The following ZNF236 variants were observed in gnomAD, a reference collection of about 807,000 sequenced individuals.
The protein encoded by ZNF236 is zinc finger protein 236.
Under a neutral mutation model 191.2 loss-of-function variants are expected in ZNF236, and 50 were observed. That is an observed-to-expected ratio of 0.26 (90% CI 0.21 to 0.33). ZNF236 has a LOEUF of 0.33. ZNF236 is among the 10% of genes least tolerant of loss of function. The pLI is 1.00. For synonymous variants in ZNF236, 907 were observed against 928.8 expected (o/e 0.98, Z 0.43); for missense variants, 1,754 against 2,374.5 (o/e 0.74, Z 5.43).
At position 76,880,412 on chromosome 18, in the gene ZNF236, A is replaced by G; in HGVS notation, c.1188+96A>G. 7.7e-7 allele frequency: 1 copy of G among 1,298,962 alleles called. No individual in the cohort carries two copies. The highest frequency in any genetic ancestry group is 1.6e-5 in the South Asian group (1 of 62,962). The allele number at this position is 1,298,962 out of a possible 1,614,324, so 80.5% of individuals were successfully genotyped here. ...AGAATAAATCTGCAGGGCTTGTCAAAGTCAGGGTATCCTCATGAAAAATGT... is the reference window on the plus strand; with the variant it reads ...AGAATAAATCTGCAGGGCTTGTCAAGGTCAGGGTATCCTCATGAAAAATGT... On this transcript the variant is annotated intron_variant, in intron 8 of 30. Transcript: ENST00000320610. This position sits in a 1 kb window ranked among gnomAD's most constrained non-coding sequence, Gnocchi z 5.0.
intron 18 of ZNF236, among the ~76,000 whole-genome samples, chr18:76,914,288 T>C (rs541005389): frequency 1.3e-5 from 2 of 152,352 alleles, no homozygotes; most frequent in Admixed American, 1.3e-4. Context: ...TCCTTTCCAT[T>C]GTAGGATATG....
At chr18:76,866,402 G>C (rs1976404488) in intron 3 of ZNF236, among the ~76,000 whole-genome samples, 1 of 147,374 alleles carries the variant, frequency 6.8e-6, no homozygotes, top group Admixed American at 6.8e-5. Context: ...GAGAAGGCCA[G>C]GACAGGAGAC....
At chr18:76,924,871 C>T (rs566503579) in intron 21 of ZNF236, among the ~76,000 whole-genome samples, 2 of 152,218 alleles carry the variant, frequency 1.3e-5, no homozygotes, top group South Asian at 2.1e-4. Flanking sequence ...TTAAGTCATA[C>T]CACCCATTAG....
chr18:76,876,602 C>T (rs1372137915), intron 6 of ZNF236, among the ~76,000 whole-genome samples: 1 of 152,172 alleles, frequency 6.6e-6, no homozygotes, highest in African/African-American at 2.4e-5. Flanking sequence ...ATTCACAGTT[C>T]CATGTTCAAT....
At chr18:76,962,835 A>G (rs1405120684) in intron 30 of ZNF236, among the ~76,000 whole-genome samples, 1 of 151,292 alleles carries the variant, frequency 6.6e-6, no homozygotes, top group East Asian at 1.9e-4. Context: ...TGTTTTTTCC[A>G]GCTATTGTAA....
At chr18:76,829,985 C>T (rs1356549127) in intron 1 of ZNF236, among the ~76,000 whole-genome samples, 5 of 152,244 alleles carry the variant, frequency 3.3e-5, no homozygotes, top group African/African-American at 4.8e-5. Context: ...ATTATCCTGC[C>T]TCAGCCACCT....
At chr18:76,954,735 TATC>T (rs1438806665) in intron 27 of ZNF236, among the ~76,000 whole-genome samples, 1 of 152,176 alleles carries the variant, frequency 6.6e-6, no homozygotes, top group East Asian at 1.9e-4. Context: ...CTGACACAGG[TATC>T]ATATTATAGA....
chr18:76,828,023 C>T (rs529384209), intron 1 of ZNF236, among the ~76,000 whole-genome samples: 3 of 152,182 alleles, frequency 2.0e-5, no homozygotes, highest in East Asian at 1.9e-4. Flanking sequence ...TTCCAGAGAG[C>T]GGAGACAGGC....
intron 1 of ZNF236, chr18:76,824,470 T>C (rs1237535752): frequency 2.6e-6 from 2 of 780,684 alleles, no homozygotes; most frequent in Non-Finnish European, 4.8e-6. Context: ...TGATGGTGTC[T>C]GGCCTTTAAG....
chr18:76,854,787 TCCC>T (rs943164078), intron 3 of ZNF236, among the ~76,000 whole-genome samples: 1 of 152,152 alleles, frequency 6.6e-6, no homozygotes, highest in Non-Finnish European at 1.5e-5. Context: ...AAGACTTTTT[TCCC>T]CCAAGTTCTT....
Position 76,925,108 on chromosome 18 carries a change from C to A in ZNF236, c.3662-81C>A. 1 of 1,542,676 alleles carries A rather than the reference C, an allele frequency of 6.5e-7. No homozygotes were observed. The highest frequency in any genetic ancestry group is 8.7e-7 in the Non-Finnish European group (1 of 1,146,312). On this transcript the variant is annotated intron_variant, in intron 21 of 30. Coordinates refer to ENST00000320610, the MANE Select transcript of ZNF236 (RefSeq NM_001306089.2). The surrounding 1 kb of genome is among the most constrained non-coding windows in gnomAD (Gnocchi z 5.7). Reference sequence around the variant, plus strand: ...ATCCACTGATTCAACATATTTACATCCATAGTGACAGCTGAGTGGGGTGGG... The same window carrying A: ...ATCCACTGATTCAACATATTTACATACATAGTGACAGCTGAGTGGGGTGGG...
intron 28 of ZNF236, among the ~76,000 whole-genome samples, chr18:76,956,451 G>C (rs550276661): frequency 8.5e-4 from 130 of 152,298 alleles, no homozygotes; most frequent in Non-Finnish European, 1.6e-3. Flanking sequence ...TTGTCAGACT[G>C]GCAAAAATGT....
intron 14 of ZNF236, among the ~76,000 whole-genome samples, chr18:76,908,999 G>A (rs939562311): frequency 3.5e-5 from 3 of 85,864 alleles, no homozygotes; most frequent in Admixed American, 1.3e-4. Flanking sequence ...GTGTGTGTGT[G>A]TGTGTGTTTG....
rs1976696385 is a variant in ZNF236, at chr18:76,875,834, T to C, written c.840+170T>C. ...ATACGTGGGAATTTTTTTGGTTTAT[T>C]ACATGTGGAAGAAATATAAACTACT... On this transcript the variant is annotated intron_variant, in intron 6 of 30. Transcript: ENST00000320610. The surrounding 1 kb of genome is among the most constrained non-coding windows in gnomAD (Gnocchi z 4.3). 6.6e-6 allele frequency among the ~76,000 whole-genome samples: 1 copy of C among 152,218 alleles called. No individual in the cohort carries two copies. Among genetic ancestry groups the C allele is most frequent in the Admixed American group, 6.5e-5 (1 of 15,282 alleles).
chr18:76,833,919 A>G (rs1377262891), intron 1 of ZNF236, among the ~76,000 whole-genome samples: 1 of 152,096 alleles, frequency 6.6e-6, no homozygotes, highest in Non-Finnish European at 1.5e-5. Flanking sequence ...TTGAACTCCT[A>G]GGTTCAGGCA....
intron 1 of ZNF236, among the ~76,000 whole-genome samples, chr18:76,836,843 C>CGG (rs1975342740): frequency 6.6e-6 from 1 of 151,908 alleles, no homozygotes; most frequent in South Asian, 2.1e-4. Context: ...TCCCAAAGTG[C>CGG]GGGGATTACA....
rs547636159 is a variant in ZNF236, at chr18:76,828,702, TG to T, written c.55+6041del. 4.6e-5 allele frequency among the ~76,000 whole-genome samples: 7 copies of T among 152,348 alleles called. No homozygotes were observed. In the South Asian group the frequency reaches 1.5e-3, roughly 32 times the overall value. ...TTATTTTGGAGACGGAGTCTCGCTC[TG>T]TTGCCCAGGCTGGTATGCAGTGGCG... On this transcript the variant is annotated intron_variant, in intron 1 of 30. Transcript: ENST00000320610.
chr18:76,911,021 G>A (rs775457902), intron 16 of ZNF236, among the ~76,000 whole-genome samples: 2 of 152,124 alleles, frequency 1.3e-5, no homozygotes, highest in African/African-American at 4.8e-5. Context: ...TTGCTTAAAG[G>A]TTTCACTGCC....
chr18:76,942,081 CA>C (rs1419546649), intron 26 of ZNF236, among the ~76,000 whole-genome samples: 1 of 152,096 alleles, frequency 6.6e-6, no homozygotes, highest in Non-Finnish European at 1.5e-5. Context: ...AGAAGGTGGT[CA>C]AGAGAAATTA....
Sources: gnomAD v4.1 joint callset for allele counts (sites outside exome capture counted in the v4.1 genomes callset) on GRCh38, gnomAD v4.1.1 for gene constraint, Gnocchi (gnomAD v3.1) non-coding constraint, MANE v1.5 for transcripts, NCBI Gene and HGNC (gene_info 2026-07-23, HGNC 2026-07-21) for gene names.